Variants in ZNF331 observed in about 807,000 individuals in gnomAD.
ZNF331 encodes C2H2-like zinc finger protein rearranged in thyroid adenomas.
Under a neutral mutation model 7.0 loss-of-function variants are expected in ZNF331, and 2 were observed. The ratio of observed to expected loss-of-function variants is 0.29; its 90% CI spans 0.12 to 0.90. The LOEUF is 0.90. ZNF331 is among the 40% of genes least tolerant of loss of function. The pLI, the probability that ZNF331 is intolerant of heterozygous loss-of-function variation, is 0.58. For missense variants in ZNF331, 432 were observed against 587.7 expected (o/e 0.74, Z 2.74); for synonymous variants, 196 against 205.4 (o/e 0.95, Z 0.39).
intron 3 of ZNF331, among the ~76,000 whole-genome samples, chr19:53,563,490 A>G (rs1376274673): frequency 6.6e-6 from 1 of 152,184 alleles, no homozygotes; most frequent in Non-Finnish European, 1.5e-5. Flanking sequence ...TAGTTTTGCT[A>G]ATGAACAGAA....
chr19:53,550,373 G>C (rs1416477682), intron 2 of ZNF331, among the ~76,000 whole-genome samples: 1 of 152,082 alleles, frequency 6.6e-6, no homozygotes, highest in Non-Finnish European at 1.5e-5. Context: ...ACCCTCCCTT[G>C]AGATTTCTTA....
chr19:53,510,346 C>T, the ZNF331 span, among the ~76,000 whole-genome samples: 5 of 151,800 alleles, frequency 3.3e-5, no homozygotes, highest in East Asian at 1.9e-4. Flanking sequence ...TTAGGGAACT[C>T]GGGGTAGGAG....
chr19:53,534,085 A>G (rs1259588170), upstream of ZNF331, among the ~76,000 whole-genome samples: 1 of 152,176 alleles, frequency 6.6e-6, no homozygotes, highest in African/African-American at 2.4e-5. Context: ...GACTAAGACA[A>G]CTGTATTGCT....
At chr19:53,563,376 G>A (rs912844346) in intron 3 of ZNF331, among the ~76,000 whole-genome samples, 6 of 152,022 alleles carry the variant, frequency 3.9e-5, no homozygotes, top group African/African-American at 1.2e-4. Context: ...GTGAGCCACC[G>A]CACCCAGCCA....
intron 3 of ZNF331, among the ~76,000 whole-genome samples, chr19:53,562,147 CA>C (rs1240305535): frequency 6.6e-6 from 1 of 151,916 alleles, no homozygotes; most frequent in Non-Finnish European, 1.5e-5. Flanking sequence ...GACTCTGTCT[CA>C]AAAAATAAGA....
chr19:53,522,873 A>G (rs942454251), intron 2 of ZNF331, among the ~76,000 whole-genome samples: 7 of 152,184 alleles, frequency 4.6e-5, no homozygotes, highest in African/African-American at 1.7e-4. Context: ...AATGTCTAAA[A>G]ATTGTCTAAG....
intron 3 of ZNF331, among the ~76,000 whole-genome samples, chr19:53,567,976 T>C (rs777559759): frequency 1.3e-5 from 2 of 151,968 alleles, no homozygotes; most frequent in Non-Finnish European, 2.9e-5. Flanking sequence ...CGTGGCCAGG[T>C]GTGGTGGCTC....
intron 1 of ZNF331, chr19:53,538,519 GCGGTCGGGACGGGTCTCCGTGGCCCA>G (rs2087896021): frequency 6.5e-6 from 1 of 152,906 alleles, no homozygotes; most frequent in Admixed American, 6.5e-5. Context: ...TGCGGGGGCA[GCGGTCGGGACGGGTCTCCGTGGCCCA>G]CGGATGCACC....
chr19:53,512,199 G>A, the ZNF331 span: 1 of 152,612 alleles, frequency 6.6e-6, no homozygotes, highest in South Asian at 2.0e-4. Context: ...CTTCATCCAG[G>A]GATGGGCCCC....
At chr19:53,572,544 TATATA>T (rs1302471765) in intron 5 of ZNF331, among the ~76,000 whole-genome samples, 1 of 103,052 alleles carries the variant, frequency 9.7e-6, no homozygotes, top group Admixed American at 8.6e-5. Flanking sequence ...TACACACACA[TATATA>T]TTATATATAC....
intron 2 of ZNF331, among the ~76,000 whole-genome samples, chr19:53,543,784 G>A (rs1022565475): frequency 1.3e-5 from 2 of 152,048 alleles, no homozygotes; most frequent in African/African-American, 2.4e-5. Flanking sequence ...TATCAGTGAC[G>A]AAACAGACAC....
At chr19:53,541,809 C>T (rs2088196160) in intron 2 of ZNF331, among the ~76,000 whole-genome samples, 1 of 152,054 alleles carries the variant, frequency 6.6e-6, no homozygotes, top group South Asian at 2.1e-4. Flanking sequence ...GAGTCTGAGA[C>T]CAGCCTGGGC....
At chr19:53,507,021 G>A in the ZNF331 span, among the ~76,000 whole-genome samples, 2 of 152,260 alleles carry the variant, frequency 1.3e-5, no homozygotes, top group South Asian at 2.1e-4. Flanking sequence ...TGTGATCCCC[G>A]CCCTGCCAGC....
chr19:53,529,906 G>C (rs2087464987), intron 2 of ZNF331, among the ~76,000 whole-genome samples: 1 of 152,152 alleles, frequency 6.6e-6, no homozygotes, highest in Admixed American at 6.5e-5. Context: ...TGCTAGGAAG[G>C]GAACATCATT....
At chr19:53,543,101 G>C (rs946364925) in intron 2 of ZNF331, among the ~76,000 whole-genome samples, 1 of 151,924 alleles carries the variant, frequency 6.6e-6, no homozygotes, top group Non-Finnish European at 1.5e-5. Flanking sequence ...GAGCCACCGC[G>C]CCCAGTGGCA....
At chr19:53,542,544 G>A (rs915993288) in intron 2 of ZNF331, among the ~76,000 whole-genome samples, 6 of 152,060 alleles carry the variant, frequency 3.9e-5, no homozygotes, top group Non-Finnish European at 7.4e-5. Context: ...CCCTTATCCC[G>A]TGGAACACAA....
chr19:53,548,364 G>T (rs956449744), intron 2 of ZNF331, among the ~76,000 whole-genome samples: 1 of 152,106 alleles, frequency 6.6e-6, no homozygotes, highest in African/African-American at 2.4e-5. Context: ...ACTTGCCTCA[G>T]CCTCCCAAAG....
chr19:53,527,032 T>C (rs564585683), intron 2 of ZNF331, among the ~76,000 whole-genome samples: 78 of 151,656 alleles, frequency 5.1e-4, no homozygotes, highest in African/African-American at 1.8e-3. Flanking sequence ...CTACTAAAAA[T>C]ACAAAAATTA....
the ZNF331 span, among the ~76,000 whole-genome samples, chr19:53,506,683 A>G: frequency 6.6e-6 from 1 of 152,178 alleles, no homozygotes; most frequent in African/African-American, 2.4e-5. Flanking sequence ...GGGTTTAGGC[A>G]GGGTTCCCAG....
Sources: gnomAD v4.1 joint callset for allele counts (sites outside exome capture counted in the v4.1 genomes callset) on GRCh38, gnomAD v4.1.1 for gene constraint, MANE v1.5 for transcripts, NCBI Gene and HGNC (gene_info 2026-07-23, HGNC 2026-07-21) for gene names.